ESR1: variants seen among roughly 807,000 people sequenced by gnomAD.
ESR1 encodes the protein estrogen receptor.
In ESR1, 12 loss-of-function variants were observed where a neutral mutation model predicts 52.7. That is an observed-to-expected ratio of 0.23 (90% CI 0.15 to 0.37). ESR1 has a LOEUF of 0.37. Ranked by LOEUF, ESR1 falls within the 10% of genes least tolerant of loss-of-function variation. ESR1 has a pLI of 1.00. For synonymous variants in ESR1, 305 were observed against 316.8 expected, an observed-to-expected ratio of 0.96 and a Z score of 0.39; for missense variants, 584 against 779.7, an observed-to-expected ratio of 0.75 and a Z score of 2.99.
At chr6:151,944,940 G>A (rs1300893671) in intron 4 of ESR1, among the ~76,000 whole-genome samples, 1 of 152,164 alleles carries the variant, frequency 6.6e-6, no homozygotes, top group Non-Finnish European at 1.5e-5. Flanking sequence ...TTAAGATTCG[G>A]TGTGGTGGCT....
At chr6:151,765,020 C>T (rs770990935) in intron 2 of ESR1, among the ~76,000 whole-genome samples, 6 of 152,088 alleles carry the variant, frequency 3.9e-5, no homozygotes, top group South Asian at 4.1e-4. Flanking sequence ...CTAGTAATCA[C>T]ATTAAAATTG....
chr6:151,693,720 C>A (rs1444579321), intron 1 of ESR1, among the ~76,000 whole-genome samples: 1 of 152,170 alleles, frequency 6.6e-6, no homozygotes, highest in Non-Finnish European at 1.5e-5. Flanking sequence ...CAGGTTCAAG[C>A]AATTCTCCTG....
Position 152,028,328 on chromosome 6 carries a change from A to G in ESR1, c.1235+16534A>G, listed in dbSNP as rs578185704. The stretch of plus-strand genomic sequence containing the variant: ...CAGTGGGTGCAGCGCACCAAGCATG[A>G]GCCGAAGCAGAGCGAGGCATCGCCT... On this transcript the variant is annotated intron_variant, in intron 5 of 7. Coordinates refer to ENST00000206249, the MANE Select transcript of ESR1 (RefSeq NM_000125.4). Among the ~76,000 whole-genome samples, 3 of 152,308 alleles carry G rather than the reference A, an allele frequency of 2.0e-5. No homozygotes were observed. In the South Asian group the frequency reaches 6.2e-4, roughly 32 times the overall value.
chr6:151,931,073 A>G (rs1398908725), intron 3 of ESR1, among the ~76,000 whole-genome samples: 3 of 151,794 alleles, frequency 2.0e-5, no homozygotes, highest in Non-Finnish European at 4.4e-5. Context: ...AGCTTCCTGG[A>G]TCTGTGGTTT....
intron 3 of ESR1, among the ~76,000 whole-genome samples, chr6:151,917,755 C>T (rs2128454654): frequency 6.6e-6 from 1 of 152,230 alleles, no homozygotes; most frequent in East Asian, 1.9e-4. Context: ...GGGCTGCCTC[C>T]TTGGTTGCTT....
Position 152,098,583 on chromosome 6 carries a change from T to G in ESR1, c.1554-149T>G. On this transcript the variant is annotated intron_variant, in intron 7 of 7. Transcript: ENST00000206249. The surrounding 1 kb of genome is among the most constrained non-coding windows in gnomAD (Gnocchi z 5.1). ...TCTGAAAGCCCTCAGCTTTCCCAGC[T>G]CCCATCCTAAAGTGGGTCTTTAAAC... 1.4e-6 allele frequency: 1 copy of G among 722,248 alleles called. No homozygotes were observed. Among genetic ancestry groups the G allele is most frequent in the East Asian group, 2.7e-5 (1 of 37,168 alleles). 44.7% of individuals were successfully genotyped at this position (722,248 alleles called of 1,614,324 possible).
rs1348212038 is a variant in ESR1 at position 152,102,039 on chromosome 6, G to C, written c.*3073G>C. On this transcript the variant is annotated 3_prime_UTR_variant, in exon 8 of 8. Coordinates refer to ENST00000206249, the MANE Select transcript of ESR1 (RefSeq NM_000125.4). ...TAATGCCATCATGCAGCAATTATGAGAGGCTAGGTCATCCAAAGAGAAGAC... is the reference window on the plus strand; with the variant it reads ...TAATGCCATCATGCAGCAATTATGACAGGCTAGGTCATCCAAAGAGAAGAC... The C allele has an allele frequency of 9.3e-6, 2 of 214,478 alleles. No homozygotes were observed. The highest frequency in any genetic ancestry group is 4.5e-5 in the African/African-American group (2 of 44,268). The allele number at this position is 214,478 out of a possible 1,614,324, so 13.3% of individuals were successfully genotyped here.
intron 5 of ESR1, among the ~76,000 whole-genome samples, chr6:152,029,533 G>T (rs113427574): frequency 6.6e-6 from 1 of 152,152 alleles, no homozygotes; most frequent in South Asian, 2.1e-4. Context: ...CTGGAAGAAA[G>T]GTTATCAGTG....
At chr6:151,726,460 T>C (rs1030534242) in intron 2 of ESR1, among the ~76,000 whole-genome samples, 1 of 151,900 alleles carries the variant, frequency 6.6e-6, no homozygotes, top group Non-Finnish European at 1.5e-5. Context: ...GCCTCCCGAG[T>C]AGCTGGGACT....
upstream of ESR1, among the ~76,000 whole-genome samples, chr6:151,686,708 CCAACCAACCAA>C (rs1778700984): frequency 1.3e-5 from 2 of 151,486 alleles, no homozygotes; most frequent in Admixed American, 6.6e-5. Flanking sequence ...AACCAACCAA[CCAACCAACCAA>C]CCAACCAACC....
intron 1 of ESR1, among the ~76,000 whole-genome samples, chr6:151,669,190 TGG>T (rs1777956747): frequency 4.3e-5 from 1 of 23,388 alleles, no homozygotes; most frequent in African/African-American, 1.8e-4. Flanking sequence ...GAGAGAGAGA[TGG>T]GAATCCAGGG....
intron 6 of ESR1, chr6:152,122,782 C>A (rs907315699): frequency 3.9e-6 from 6 of 1,556,798 alleles, no homozygotes; most frequent in Non-Finnish European, 5.2e-6. Context: ...GCCAAGCACA[C>A]CCCAGCCTGG....
chr6:152,013,933 CA>C (rs2042969857), intron 5 of ESR1, among the ~76,000 whole-genome samples: 1 of 152,074 alleles, frequency 6.6e-6, no homozygotes, highest in Non-Finnish European at 1.5e-5. Context: ...ATCCAAATCT[CA>C]AATTATAGCT....
intron 4 of ESR1, among the ~76,000 whole-genome samples, chr6:151,968,358 T>C (rs1167374206): frequency 1.3e-5 from 2 of 152,122 alleles, no homozygotes; most frequent in Non-Finnish European, 2.9e-5. Flanking sequence ...GACACAGGCA[T>C]GGGCAAATAC....
chr6:151,960,563 A>T (rs2128594943), intron 4 of ESR1, among the ~76,000 whole-genome samples: 1 of 152,294 alleles, frequency 6.6e-6, no homozygotes, highest in Non-Finnish European at 1.5e-5. Flanking sequence ...CAGGAAGAAG[A>T]CCAATGTGAC....
At chr6:151,897,670 C>G (rs1012206950) in intron 3 of ESR1, among the ~76,000 whole-genome samples, 3 of 152,132 alleles carry the variant, frequency 2.0e-5, no homozygotes, top group Non-Finnish European at 4.4e-5. Flanking sequence ...AGCATTTAGG[C>G]TATTTAAATT....
chr6:152,005,819 T>G (rs2042284113), intron 4 of ESR1, among the ~76,000 whole-genome samples: 2 of 152,068 alleles, frequency 1.3e-5, no homozygotes, highest in Non-Finnish European at 2.9e-5. Context: ...TGTTGGGAGA[T>G]GGGTGGGAGT....
chr6:151,860,825 G>A (rs1379508122), intron 2 of ESR1, among the ~76,000 whole-genome samples: 2 of 152,160 alleles, frequency 1.3e-5, no homozygotes, highest in Non-Finnish European at 2.9e-5. Context: ...TACCATTTCT[G>A]CTATAAAATC....
chr6:151,974,733 CT>C (rs1016064172), intron 4 of ESR1, among the ~76,000 whole-genome samples: 2 of 152,158 alleles, frequency 1.3e-5, no homozygotes, highest in Non-Finnish European at 1.5e-5. Context: ...ACATCTTAGT[CT>C]TTTTTTCCTA....
Sources: gnomAD v4.1 joint callset for allele counts (sites outside exome capture counted in the v4.1 genomes callset) on GRCh38, gnomAD v4.1.1 for gene constraint, Gnocchi (gnomAD v3.1) non-coding constraint, MANE v1.5 for transcripts, NCBI Gene and HGNC (gene_info 2026-07-23, HGNC 2026-07-21) for gene names.